Variants in THSD7A observed in about 807,000 individuals in gnomAD.
THSD7A encodes the protein thrombospondin type 1 domain containing 7A, also known as thrombospondin type-1 domain-containing protein 7A.
THSD7A carries 96 observed loss-of-function variants against 231.3 expected under a neutral mutation model. The ratio of observed to expected loss-of-function variants is 0.41; its 90% confidence interval spans 0.35 to 0.49. The LOEUF is 0.49. Ranked by LOEUF, THSD7A falls within the 20% of genes least tolerant of loss-of-function variation. The pLI, the probability that THSD7A is intolerant of heterozygous loss-of-function variation, is 0.05. For missense variants in THSD7A, 2,290 were observed against 2,070.2 expected (o/e 1.11, Z -2.06); for synonymous variants, 940 against 743.3 (o/e 1.26, Z -4.30).
chr7:11,427,344 T>A (rs548028886), intron 14 of THSD7A, among the ~76,000 whole-genome samples: 2 of 152,352 alleles, frequency 1.3e-5, no homozygotes, highest in South Asian at 4.1e-4. Context: ...AAAAATTTAT[T>A]ATTTGTTTTA....
intron 6 of THSD7A, among the ~76,000 whole-genome samples, chr7:11,523,085 T>C (rs1271477786): frequency 6.6e-6 from 1 of 152,108 alleles, no homozygotes; most frequent in Non-Finnish European, 1.5e-5. Context: ...AATATAAAAA[T>C]ACTTTCTGAA....
chr7:11,427,962 A>G (rs1364703613), intron 14 of THSD7A, among the ~76,000 whole-genome samples: 1 of 152,182 alleles, frequency 6.6e-6, no homozygotes, highest in Non-Finnish European at 1.5e-5. Context: ...AGTACTTTTT[A>G]TAGAATTTAA....
chr7:11,803,992 G>T (rs1236457775), intron 1 of THSD7A, among the ~76,000 whole-genome samples: 4 of 152,092 alleles, frequency 2.6e-5, no homozygotes, highest in African/African-American at 9.6e-5. Context: ...TTTGTATTTT[G>T]AATTATCATA....
At chr7:11,703,854 C>T (rs1329643838) in intron 1 of THSD7A, among the ~76,000 whole-genome samples, 1 of 151,022 alleles carries the variant, frequency 6.6e-6, no homozygotes, top group East Asian at 2.0e-4. Flanking sequence ...GCTAGAAGAT[C>T]AGAGAAGCTT....
chr7:11,793,793 T>C (rs1012560110), intron 1 of THSD7A, among the ~76,000 whole-genome samples: 1 of 151,914 alleles, frequency 6.6e-6, no homozygotes, highest in African/African-American at 2.4e-5. Flanking sequence ...AGATTTATGC[T>C]TAATGTTGGC....
At chr7:11,719,626 A>C (rs559468843) in intron 1 of THSD7A, among the ~76,000 whole-genome samples, 1 of 151,484 alleles carries the variant, frequency 6.6e-6, no homozygotes, top group African/African-American at 2.4e-5. Context: ...TCAATGAGTT[A>C]TTTTTCTCCT....
intron 1 of THSD7A, among the ~76,000 whole-genome samples, chr7:11,676,113 C>G (rs1047204564): frequency 6.6e-6 from 1 of 152,260 alleles, no homozygotes; most frequent in South Asian, 2.1e-4. Context: ...CTGGTGATAA[C>G]CAGGAAAACA....
At chr7:11,786,732 T>C (rs865977864) in intron 1 of THSD7A, among the ~76,000 whole-genome samples, 4 of 144,860 alleles carry the variant, frequency 2.8e-5, no homozygotes, top group Admixed American at 2.1e-4. Flanking sequence ...TGTGTGCACA[T>C]GTACCCTAAA....
At chr7:11,734,286 C>G (rs1781834413) in intron 1 of THSD7A, among the ~76,000 whole-genome samples, 1 of 151,872 alleles carries the variant, frequency 6.6e-6, no homozygotes. Context: ...TGAATTATTC[C>G]CGTTGCACAA....
intron 1 of THSD7A, among the ~76,000 whole-genome samples, chr7:11,770,901 T>G (rs1783204282): frequency 6.6e-6 from 1 of 151,872 alleles, no homozygotes; most frequent in Non-Finnish European, 1.5e-5. Flanking sequence ...TCAAAAATAA[T>G]AGTTATATGT....
intron 1 of THSD7A, among the ~76,000 whole-genome samples, chr7:11,772,783 T>A (rs756567338): frequency 6.6e-6 from 1 of 152,172 alleles, no homozygotes; most frequent in Non-Finnish European, 1.5e-5. Context: ...ACCAGGGTGA[T>A]GAAATCATTT....
intron 13 of THSD7A, among the ~76,000 whole-genome samples, chr7:11,440,048 T>C (rs574384043): frequency 2.6e-5 from 4 of 152,104 alleles, no homozygotes; most frequent in South Asian, 2.1e-4. Flanking sequence ...ATGCAGTTGG[T>C]GACTTTAAGT....
chr7:11,622,518 A>G (rs1363381624), intron 2 of THSD7A, among the ~76,000 whole-genome samples: 2 of 152,118 alleles, frequency 1.3e-5, no homozygotes, highest in African/African-American at 4.8e-5. Context: ...TAAAGTTCTG[A>G]CTTTAATCCA....
At position 11,636,670 on chromosome 7, in the gene THSD7A, A is replaced by G; in HGVS notation, c.482T>C (p.Ile161Thr). 6.2e-7 allele frequency: 1 copy of G among 1,613,962 alleles called. No individual in the cohort carries two copies. The highest frequency in any genetic ancestry group is 8.5e-7 in the Non-Finnish European group (1 of 1,179,890). Residue 161 changes from isoleucine (I) to threonine (T), a missense_variant, in exon 2 of 28, where the codon ATC becomes ACC. Coordinates refer to ENST00000423059, the MANE Select transcript of THSD7A (RefSeq NM_015204.3). The surrounding 1 kb of genome is among the most constrained non-coding windows in gnomAD (Gnocchi z 10.0). ...EGIQVREIAC[I>T]QKDKDIPAED... ...CGCAGGAATGTCTTTGTCTTTCTGG[A>G]TGCACGCTATCTCCCTCACCTGAAT...
intron 1 of THSD7A, among the ~76,000 whole-genome samples, chr7:11,666,852 G>A (rs1783155530): frequency 2.0e-5 from 3 of 151,992 alleles, no homozygotes; most frequent in South Asian, 2.1e-4. Context: ...AGACATTAAA[G>A]CATTTGAAAT....
chr7:11,406,272 A>AATATG lies in THSD7A; in HGVS notation c.4237+23_4237+27dup. The AATATG allele has an allele frequency of 6.3e-7, 1 of 1,581,152 alleles. No homozygotes were observed. Among genetic ancestry groups the AATATG allele is most frequent in the Non-Finnish European group, 8.6e-7 (1 of 1,165,436 alleles). ...CCTTGTCCTAGGAAAAAATAATCAG[A>AATATG]ATATGAATTCTCCTTTGCCGTTGTT... On this transcript the variant is annotated intron_variant, in intron 22 of 27. Transcript: ENST00000423059. This position sits in a 1 kb window ranked among gnomAD's most constrained non-coding sequence, Gnocchi z 4.7.
chr7:11,694,089 G>C (rs996413626), intron 1 of THSD7A, among the ~76,000 whole-genome samples: 3 of 151,422 alleles, frequency 2.0e-5, no homozygotes, highest in African/African-American at 7.3e-5. Flanking sequence ...GGTAGTAAAG[G>C]AGTTTGGTCA....
At chr7:11,655,694 T>C (rs745517198) in intron 1 of THSD7A, among the ~76,000 whole-genome samples, 97 of 152,048 alleles carry the variant, frequency 6.4e-4, no homozygotes, top group Middle Eastern at 3.4e-3. Context: ...TCTTTTATTC[T>C]TTTTGAAATA....
intron 4 of THSD7A, among the ~76,000 whole-genome samples, chr7:11,551,743 AG>A (rs1408010040): frequency 1.3e-5 from 2 of 152,134 alleles, no homozygotes; most frequent in Non-Finnish European, 2.9e-5. Context: ...ATACACTGCC[AG>A]TGGGAATGTA....
Sources: allele counts gnomAD v4.1 joint callset (sites outside exome capture counted in the v4.1 genomes callset), GRCh38; gene constraint gnomAD v4.1.1; non-coding constraint Gnocchi (gnomAD v3.1); transcripts MANE v1.5; gene names NCBI Gene and HGNC (gene_info 2026-07-23, HGNC 2026-07-21).